The following FAM227B variants were observed in gnomAD, a reference collection of about 807,000 sequenced individuals.
FAM227B encodes the protein protein FAM227B.
In FAM227B, 88 loss-of-function variants were observed where a neutral mutation model predicts 73.8. The observed-to-expected ratio is 1.19, with a 90% CI of 1.00 to 1.42. The LOEUF (loss-of-function observed/expected upper bound fraction) is 1.42. Among genes scored for constraint, FAM227B ranks in the 40% most tolerant of loss-of-function variants. FAM227B has a pLI of 0.00. For synonymous variants in FAM227B, 210 were observed against 190.5 expected, an observed-to-expected ratio of 1.10 and a Z score of -0.84; for missense variants, 632 against 590.9, an observed-to-expected ratio of 1.07 and a Z score of -0.72.
At chr15:49,422,453 C>A (rs2049767099) in intron 11 of FAM227B, 11 of 1,065,036 alleles carry the variant, frequency 1.0e-5, no homozygotes, top group African/African-American at 1.6e-5. Context: ...AGGCAAAAAT[C>A]AAACACTGAT....
chr15:49,608,553 T>C (rs905142591), intron 3 of FAM227B, among the ~76,000 whole-genome samples: 2 of 152,100 alleles, frequency 1.3e-5, no homozygotes, highest in Non-Finnish European at 2.9e-5. Context: ...ATTATTTAGC[T>C]CTTTTTCCTT....
chr15:49,340,630 G>A (rs1288361815), intron 13 of FAM227B, among the ~76,000 whole-genome samples: 3 of 152,068 alleles, frequency 2.0e-5, no homozygotes, highest in Non-Finnish European at 4.4e-5. Flanking sequence ...TGCTTGTTCA[G>A]TTCTTTAAGT....
At chr15:49,347,014 T>C (rs547234230) in intron 13 of FAM227B, among the ~76,000 whole-genome samples, 22 of 152,320 alleles carry the variant, frequency 1.4e-4, no homozygotes, top group African/African-American at 4.6e-4. Context: ...ACTTACTCTA[T>C]AGGAAATAAC....
At chr15:49,333,605 A>C (rs1226153525) in intron 14 of FAM227B, among the ~76,000 whole-genome samples, 3 of 152,204 alleles carry the variant, frequency 2.0e-5, no homozygotes, top group African/African-American at 7.2e-5. Context: ...AAGATCCTAA[A>C]GTAGTGGGTT....
chr15:49,378,060 T>C (rs969026530), intron 11 of FAM227B, among the ~76,000 whole-genome samples: 1 of 152,200 alleles, frequency 6.6e-6, no homozygotes, highest in Non-Finnish European at 1.5e-5. Context: ...GCGGTGTAGT[T>C]TCAGTCTTCT....
In FAM227B at chr15:49,495,917, G is replaced by C. The variant is rs142690673; in HGVS notation, c.1012+12294C>G. Among the ~76,000 whole-genome samples, 417 of 152,198 alleles carry C rather than the reference G, an allele frequency of 2.7e-3. 3 individuals carry two copies. The highest frequency in any genetic ancestry group is 9.7e-3 in the African/African-American group (401 of 41,506). On this transcript the variant is annotated intron_variant, in intron 11 of 15. Coordinates refer to ENST00000299338, the MANE Select transcript of FAM227B (RefSeq NM_152647.3). Reference sequence around the variant, plus strand: ...GCATGCCTGTAGTCCCAGCTACTTGGGAGACTGAGGCAGAAGAACTGCTTG... The same window carrying C: ...GCATGCCTGTAGTCCCAGCTACTTGCGAGACTGAGGCAGAAGAACTGCTTG...
chr15:49,538,054 C>T (rs1019150695), intron 10 of FAM227B, among the ~76,000 whole-genome samples: 3 of 152,026 alleles, frequency 2.0e-5, no homozygotes, highest in East Asian at 1.9e-4. Flanking sequence ...AAAAGAATCA[C>T]GGACAGAAAA....
At chr15:49,417,640 C>A (rs1345156378) in intron 11 of FAM227B, among the ~76,000 whole-genome samples, 1 of 152,068 alleles carries the variant, frequency 6.6e-6, no homozygotes, top group Non-Finnish European at 1.5e-5. Flanking sequence ...GAAGCTGGAC[C>A]CCTTCCTTGC....
intron 9 of FAM227B, among the ~76,000 whole-genome samples, chr15:49,552,748 CTGCTA>C (rs2073186159): frequency 6.6e-6 from 1 of 151,698 alleles, no homozygotes; most frequent in African/African-American, 2.4e-5. Flanking sequence ...TTGATCCATT[CTGCTA>C]TTTAAGGACT....
intron 11 of FAM227B, chr15:49,425,480 A>G (rs2050048485): frequency 2.0e-5 from 3 of 152,016 alleles, no homozygotes; most frequent in African/African-American, 7.2e-5. Context: ...TACTTAGTAA[A>G]AATAAATTTT....
At chr15:49,572,243 G>C (rs1335299621) in intron 8 of FAM227B, among the ~76,000 whole-genome samples, 3 of 151,878 alleles carry the variant, frequency 2.0e-5, no homozygotes, top group African/African-American at 4.8e-5. Context: ...TTTTTTGGTG[G>C]AATCTTTAGG....
At chr15:49,579,091 GT>G (rs2152382827) in intron 5 of FAM227B, among the ~76,000 whole-genome samples, 1 of 152,174 alleles carries the variant, frequency 6.6e-6, no homozygotes. Context: ...AGAAATGCAA[GT>G]CAAACCCACA....
chr15:49,335,693 C>G (rs571072163), intron 13 of FAM227B, among the ~76,000 whole-genome samples, 197 bp from the exon 14 acceptor site: 115 of 152,262 alleles, frequency 7.6e-4, no homozygotes, highest in Middle Eastern at 6.8e-3. Context: ...AAACTTGTGT[C>G]CCATTATCTC....
intron 11 of FAM227B, among the ~76,000 whole-genome samples, chr15:49,420,737 G>A (rs978190823): frequency 3.3e-5 from 5 of 152,044 alleles, no homozygotes; most frequent in African/African-American, 4.8e-5. Flanking sequence ...ATGGAGTCTC[G>A]CTTTGTCACC....
chr15:49,427,560 G>A (rs1283985964), intron 11 of FAM227B, among the ~76,000 whole-genome samples: 1 of 151,942 alleles, frequency 6.6e-6, no homozygotes, highest in East Asian at 1.9e-4. Context: ...AATTTTACAT[G>A]AAAAGTAATA....
At chr15:49,336,061 G>T (rs1596262180) in intron 13 of FAM227B, among the ~76,000 whole-genome samples, 1 of 152,098 alleles carries the variant, frequency 6.6e-6, no homozygotes, top group Non-Finnish European at 1.5e-5. Context: ...TCCTGCCTTG[G>T]CCTCCCAAAG....
chr15:49,494,580 G>A (rs1238185025), intron 11 of FAM227B, among the ~76,000 whole-genome samples: 1 of 152,068 alleles, frequency 6.6e-6, no homozygotes, highest in Non-Finnish European at 1.5e-5. Context: ...TCAGTTGGAG[G>A]CTCTTTTTTT....
intron 13 of FAM227B, among the ~76,000 whole-genome samples, chr15:49,364,493 TTA>T (rs1429197338): frequency 6.6e-6 from 1 of 152,062 alleles, no homozygotes; most frequent in East Asian, 1.9e-4. Context: ...TTTCTATATA[TTA>T]TGTTTCTCTA....
intron 11 of FAM227B, among the ~76,000 whole-genome samples, chr15:49,387,907 A>G (rs1481766510): frequency 6.6e-6 from 1 of 151,834 alleles, no homozygotes; most frequent in Non-Finnish European, 1.5e-5. Context: ...TAAAATACCT[A>G]CGAATATATT....
Sources: allele counts gnomAD v4.1 joint callset (sites outside exome capture counted in the v4.1 genomes callset), GRCh38; gene constraint gnomAD v4.1.1; transcripts MANE v1.5; gene names NCBI Gene and HGNC (gene_info 2026-07-23, HGNC 2026-07-21).